The following TIMP4 variants were observed in gnomAD, a reference collection of about 807,000 sequenced individuals.
TIMP4 encodes the protein TIMP metallopeptidase inhibitor 4.
A neutral mutation model predicts 27.3 loss-of-function variants in TIMP4; 28 were observed. The ratio of observed to expected loss-of-function variants is 1.03; its 90% confidence interval spans 0.76 to 1.41. The LOEUF (loss-of-function observed/expected upper bound fraction) is 1.41. Among genes scored for constraint, TIMP4 ranks in the 40% most tolerant of loss-of-function variants. The probability of loss-of-function intolerance (pLI) is 0.00; values close to 1 mark genes in which losing one functional copy is unlikely to be tolerated. For synonymous variants in TIMP4, 138 were observed against 115.5 expected (o/e 1.20, Z -1.25); for missense variants, 307 against 285.5 (o/e 1.08, Z -0.54).
intron 4 of TIMP4, 140 bp downstream of exon 4, chr3:12,154,187 G>T: frequency 7.8e-7 from 1 of 1,288,996 alleles, no homozygotes. Flanking sequence ...AGGGCCTATA[G>T]ACTGTATTGC....
chr3:12,158,355 C>G (rs1697521132), intron 1 of TIMP4, among the ~76,000 whole-genome samples: 1 of 152,124 alleles, frequency 6.6e-6, no homozygotes, highest in Non-Finnish European at 1.5e-5. Context: ...ACAATGCAAG[C>G]CCTCTCCCCT....
chr3:12,157,555 G>A lies in TIMP4; in HGVS notation c.140-73C>T, dbSNP rs1697495100. The A allele has an allele frequency of 5.4e-6, 8 of 1,475,514 alleles. No homozygotes were observed. The Admixed American group carries it at 1.4e-4, about 25-fold the overall frequency. The allele number at this position is 1,475,514 out of a possible 1,614,324, so 91.4% of individuals were successfully genotyped here. A position where few individuals can be genotyped will look rare whatever the true frequency, so the allele number is the denominator to read the frequency against. On this transcript the variant is annotated intron_variant, in intron 1 of 4. Coordinates refer to ENST00000287814, the MANE Select transcript of TIMP4 (RefSeq NM_003256.4). Reference sequence around the variant, plus strand: ...ATACACCTGAGGTCTGGATGATCCAGGGTCCATGAAGAAGTCTATAGGGCA... The same window carrying A: ...ATACACCTGAGGTCTGGATGATCCAAGGTCCATGAAGAAGTCTATAGGGCA...
At position 12,157,383 on chromosome 3, in the gene TIMP4, A is replaced by G. The variant is rs1697489006; in HGVS notation, c.237+2T>C. ...TACACATCCCAGCCTGCCCCCATGT[A>G]CCTTTATCTGTTTGATTTCATACCG... On this transcript the variant is annotated splice_donor_variant, in intron 2 of 4. Transcript: ENST00000287814. LOFTEE classifies it high-confidence loss of function. 6.2e-7 allele frequency: 1 copy of G among 1,613,786 alleles called. No homozygotes were observed. The highest frequency in any genetic ancestry group is 1.1e-5 in the South Asian group (1 of 91,058).
At chr3:12,154,228 T>C in intron 4 of TIMP4, 99 bp downstream of exon 4, 2 of 1,544,134 alleles carry the variant, frequency 1.3e-6, no homozygotes, top group Middle Eastern at 1.7e-4. Context: ...ACAGTGCAGA[T>C]CTCAAGTATA....
rs774982084 is a variant in TIMP4 at position 12,157,380 on chromosome 3, T to C, written c.237+5A>G. ...GGCTACACATCCCAGCCTGCCCCCA[T>C]GTACCTTTATCTGTTTGATTTCATA... On this transcript the variant is annotated splice_donor_5th_base_variant and intron_variant, in intron 2 of 4. Transcript: ENST00000287814. The C allele has an allele frequency of 1.4e-5, 22 of 1,613,888 alleles. No individual in the cohort carries two copies. The highest frequency in any genetic ancestry group is 1.7e-5 in the Non-Finnish European group (20 of 1,179,884).
intron 3 of TIMP4, 105 bp from the exon 4 acceptor site, chr3:12,154,556 T>C (rs1044313956): frequency 1.6e-6 from 2 of 1,234,322 alleles, no homozygotes; most frequent in African/African-American, 1.5e-5. Context: ...CCAATGACTT[T>C]GGTGGCAGTG....
Position 12,153,374 on chromosome 3 carries a change from G to T in TIMP4, c.*141C>A. 1.0e-6 allele frequency: 1 copy of T among 993,592 alleles called. No individual in the cohort carries two copies. Among genetic ancestry groups the T allele is most frequent in the Non-Finnish European group, 1.6e-6 (1 of 642,442 alleles). 61.5% of individuals were successfully genotyped at this position (993,592 alleles called of 1,614,324 possible). On this transcript the variant is annotated 3_prime_UTR_variant, in exon 5 of 5. Coordinates refer to ENST00000287814, the MANE Select transcript of TIMP4 (RefSeq NM_003256.4). ...AAAGTCATGGCCCCTTCCCTGCCTT[G>T]ACAGTGGCCAGACTGTCCACTTGGC...
intron 1 of TIMP4, among the ~76,000 whole-genome samples, chr3:12,157,941 A>T (rs1282295075): frequency 1.3e-5 from 2 of 152,246 alleles, no homozygotes; most frequent in African/African-American, 4.8e-5. Context: ...GAGGTATTGC[A>T]TCTCTTGCCA....
At chr3:12,155,115 C>T (rs1412351641) in intron 3 of TIMP4, among the ~76,000 whole-genome samples, 1 of 152,188 alleles carries the variant, frequency 6.6e-6, no homozygotes, top group Non-Finnish European at 1.5e-5. Context: ...CACCTCAAAG[C>T]CATCTCTGAC....
rs371634274 is a variant in TIMP4 at position 12,158,685 on chromosome 3, G to A, written c.139+17C>T. ...ACAACCACCCCCTGCTGTGGACCTC[G>A]CGGACCTCGGACTCACCAAGTGCCG... On this transcript the variant is annotated intron_variant, in intron 1 of 4. Transcript: ENST00000287814. 6.8e-6 allele frequency: 11 copies of A among 1,608,920 alleles called. No individual in the cohort carries two copies. The highest frequency in any genetic ancestry group is 1.6e-4 in the Middle Eastern group (1 of 6,076).
In TIMP4 at chr3:12,153,583, C is replaced by T. The variant is rs142733986; in HGVS notation, c.607G>A (p.Gly203Ser). 14 of 1,614,116 alleles carry T rather than the reference C, an allele frequency of 8.7e-6. No individual in the cohort carries two copies. The highest frequency in any genetic ancestry group is 2.2e-5 in the East Asian group (1 of 44,882). Reference protein sequence around the residue: ...QHYVCMKHVDGTCSWYRGHLP... With the variant: ...QHYVCMKHVDSTCSWYRGHLP... ...TGGCCCCGGTACCAGCTGCAGGTGC[C>T]GTCAACATGCTTCATACAGACATAA... Residue 203 changes from glycine (G) to serine (S), a missense_variant, in exon 5 of 5, where the codon GGC (glycine) becomes AGC (serine). By Grantham distance (56) the Gly-to-Ser change is moderately conservative. Coordinates refer to ENST00000287814, the MANE Select transcript of TIMP4 (RefSeq NM_003256.4).
intron 3 of TIMP4, among the ~76,000 whole-genome samples, chr3:12,154,822 A>G (rs897628075): frequency 1.3e-5 from 2 of 152,162 alleles, no homozygotes; most frequent in Non-Finnish European, 2.9e-5. Context: ...TGAAAATTAT[A>G]AAGTTGTCAG....
At chr3:12,157,209 C>A (rs1180244069) in intron 2 of TIMP4, among the ~76,000 whole-genome samples, 176 bp downstream of exon 2, 1 of 152,170 alleles carries the variant, frequency 6.6e-6, no homozygotes, top group Non-Finnish European at 1.5e-5. Flanking sequence ...CCCTCCCTGG[C>A]AATATCCCTG....
At position 12,158,867 on chromosome 3, in the gene TIMP4, G is replaced by T; in HGVS notation, c.-27C>A. On this transcript the variant is annotated 5_prime_UTR_variant, in exon 1 of 5. Coordinates refer to ENST00000287814, the MANE Select transcript of TIMP4 (RefSeq NM_003256.4). Reference sequence around the variant, plus strand: ...ACACTGCAGATCCGCGACTGAGCCTGTGAGGTCTGGGGGACTGGACGGCCC... The same window carrying T: ...ACACTGCAGATCCGCGACTGAGCCTTTGAGGTCTGGGGGACTGGACGGCCC... The T allele has an allele frequency of 6.5e-7, 1 of 1,534,682 alleles. No individual in the cohort carries two copies. Among genetic ancestry groups the T allele is most frequent in the Non-Finnish European group, 8.7e-7 (1 of 1,144,366 alleles).
Position 12,157,490 on chromosome 3 carries a change from GGAAGA to G in TIMP4, c.140-13_140-9del. On this transcript the variant is annotated splice_polypyrimidine_tract_variant and intron_variant, in intron 1 of 4. Coordinates refer to ENST00000287814, the MANE Select transcript of TIMP4 (RefSeq NM_003256.4). The stretch of plus-strand genomic sequence containing the variant: ...AGATTTTGGCCCGAATCACTGCATA[GGAAGA>G]GAAAAGAGGGAACCTTCAGCAGCTG... The G allele has an allele frequency of 6.2e-7, 1 of 1,613,954 alleles. No individual in the cohort carries two copies. The highest frequency in any genetic ancestry group is 1.3e-5 in the African/African-American group (1 of 75,016).
At chr3:12,155,668 C>G (rs532035311) in intron 3 of TIMP4, among the ~76,000 whole-genome samples, 1 of 152,330 alleles carries the variant, frequency 6.6e-6, no homozygotes, top group Admixed American at 6.5e-5. Context: ...TCCTGTAGGA[C>G]CTGGGCACCA....
chr3:12,153,212 C>T lies in TIMP4; in HGVS notation c.*303G>A. ...AGATCGATTAAGACAAAGGAAAACACATATTCCTGGGGAGGAAAGGGAATA... is the reference window on the plus strand; with the variant it reads ...AGATCGATTAAGACAAAGGAAAACATATATTCCTGGGGAGGAAAGGGAATA... On this transcript the variant is annotated 3_prime_UTR_variant, in exon 5 of 5. Coordinates refer to ENST00000287814, the MANE Select transcript of TIMP4 (RefSeq NM_003256.4). 2 of 465,884 alleles carry T rather than the reference C, an allele frequency of 4.3e-6. No homozygotes were observed. Among genetic ancestry groups the T allele is most frequent in the Non-Finnish European group, 7.9e-6 (2 of 252,054 alleles). The allele number at this position is 465,884 out of a possible 1,614,324, so 28.9% of individuals were successfully genotyped here. A position where few individuals can be genotyped will look rare whatever the true frequency, so the allele number is the denominator to read the frequency against.
chr3:12,158,757 C>G lies in TIMP4; in HGVS notation c.84G>C (p.Glu28Asp). 1.2e-6 allele frequency: 2 copies of G among 1,607,634 alleles called. No homozygotes were observed. Among genetic ancestry groups the G allele is most frequent in the African/African-American group, 1.3e-5 (1 of 75,016 alleles). ...GGTGCGCCGGGGCGCAGCTGCATGCCTCACCCAGCCCCGGGGGCCGCAGCA... is the reference window on the plus strand; with the variant it reads ...GGTGCGCCGGGGCGCAGCTGCATGCGTCACCCAGCCCCGGGGGCCGCAGCA... ...LALLRPPGLG[E>D]ACSCAPAHPQ... Residue 28 changes from glutamate (E) to aspartate (D), a missense_variant, in exon 1 of 5, where the codon GAG becomes GAC. Transcript: ENST00000287814.
Position 12,153,607 on chromosome 3 carries a change from A to G in TIMP4, c.583T>C (p.Tyr195His), listed in dbSNP as rs1446960863. 6.2e-7 allele frequency: 1 copy of G among 1,614,000 alleles called. No homozygotes were observed. Among genetic ancestry groups the G allele is most frequent in the Non-Finnish European group, 8.5e-7 (1 of 1,180,014 alleles). The change falls in exon 5 of 5, where the codon TAT becomes CAT. Residue 195 changes from tyrosine to histidine, a missense_variant. Physicochemically the swap from Tyr to His is moderately conservative, Grantham distance 83. Transcript: ENST00000287814. ...CCGTCAACATGCTTCATACAGACAT[A>G]ATGCTGAGCCTGGTAACCATAGAGC... ...RKLYGYQAQH[Y>H]VCMKHVDGTC...
Sources: gnomAD v4.1 joint callset for allele counts (sites outside exome capture counted in the v4.1 genomes callset) on GRCh38, gnomAD v4.1.1 for gene constraint, MANE v1.5 for transcripts, NCBI Gene and HGNC (gene_info 2026-07-23, HGNC 2026-07-21) for gene names.